CCDC191: variants seen among roughly 807,000 people sequenced by gnomAD.
CCDC191 encodes the protein coiled-coil domain containing 191, also known as coiled-coil domain-containing protein 191.
In CCDC191, 99 loss-of-function variants were observed where a neutral mutation model predicts 114.0. That is an observed-to-expected ratio of 0.87 (90% CI 0.74 to 1.03). The LOEUF is 1.03. Ranked by LOEUF, CCDC191 falls within the 50% of genes least tolerant of loss-of-function variation. CCDC191 has a pLI of 0.00. For missense variants in CCDC191, 973 were observed against 1,087.0 expected (o/e 0.90, Z 1.47); for synonymous variants, 351 against 376.0 (o/e 0.93, Z 0.77).
chr3:113,973,882 T>G (rs62265445), intron 16 of CCDC191, among the ~76,000 whole-genome samples: 18,725 of 151,466 alleles, frequency 0.12, 1,426 homozygotes, highest in African/African-American at 0.21. Context: ...CTACCCCTTG[T>G]TCTCATTCAA....
intron 1 of CCDC191, among the ~76,000 whole-genome samples, chr3:114,056,037 A>G (rs150988363): frequency 0.012 from 1,755 of 152,030 alleles, 17 homozygotes; most frequent in Non-Finnish European, 0.02. Flanking sequence ...AAGAGAGAGA[A>G]AAAGAAAGAA....
Position 114,042,754 on chromosome 3 carries a change from CACTTGACACA to C in CCDC191, c.354_363del (p.Val119SerfsTer11), listed in dbSNP as rs752459882. On this transcript the variant is annotated frameshift_variant, in exon 4 of 17. Transcript: ENST00000295878. LOFTEE classifies it high-confidence loss of function. ...CCATTGGCTTCCGGCATAATAGTGACACTTGACACAGTGTTTTTAGCATCACCTTCTTCCT... is the reference window on the plus strand; with the variant it reads ...CCATTGGCTTCCGGCATAATAGTGACGTGTTTTTAGCATCACCTTCTTCCT... 6.2e-7 allele frequency: 1 copy of C among 1,600,016 alleles called. No homozygotes were observed. The highest frequency in any genetic ancestry group is 1.1e-5 in the South Asian group (1 of 88,116).
chr3:114,023,783 G>A (rs2076278347), intron 7 of CCDC191, among the ~76,000 whole-genome samples: 1 of 152,072 alleles, frequency 6.6e-6, no homozygotes, highest in East Asian at 1.9e-4. Flanking sequence ...TACCATTCAG[G>A]ACATAGGCAT....
At chr3:113,966,670 A>G (rs1940207036) in intron 16 of CCDC191, among the ~76,000 whole-genome samples, 1 of 152,212 alleles carries the variant, frequency 6.6e-6, no homozygotes, top group South Asian at 2.1e-4. Flanking sequence ...TCACAACTAT[A>G]GGCAGAGATG....
chr3:114,052,506 C>T (rs760289734), intron 2 of CCDC191, among the ~76,000 whole-genome samples: 20 of 152,052 alleles, frequency 1.3e-4, no homozygotes, highest in Non-Finnish European at 2.4e-4. Flanking sequence ...CCACTTTAGT[C>T]GTCATCTAAG....
intron 13 of CCDC191, among the ~76,000 whole-genome samples, chr3:113,981,908 A>G (rs1163442238): frequency 2.0e-5 from 3 of 152,248 alleles, no homozygotes; most frequent in African/African-American, 7.2e-5. Flanking sequence ...GTTGAATGAA[A>G]TGGCCAGAGA....
At chr3:114,005,255 A>G (rs1367719856) in intron 10 of CCDC191, among the ~76,000 whole-genome samples, 2 of 152,168 alleles carry the variant, frequency 1.3e-5, no homozygotes, top group Non-Finnish European at 2.9e-5. Flanking sequence ...TTTTCTCTTT[A>G]ACTGGCATAG....
At chr3:113,975,579 C>T (rs996577124) in intron 16 of CCDC191, among the ~76,000 whole-genome samples, 3 of 152,202 alleles carry the variant, frequency 2.0e-5, no homozygotes, top group Non-Finnish European at 2.9e-5. Context: ...GGTGCTTCCA[C>T]TCTGTTTAAC....
intron 3 of CCDC191, 128 bp from the exon 4 acceptor site, chr3:114,042,974 A>G: frequency 1.2e-6 from 1 of 819,904 alleles, no homozygotes; most frequent in Non-Finnish European, 1.8e-6. Context: ...AGATACTGGA[A>G]TACAACAGTG....
intron 13 of CCDC191, among the ~76,000 whole-genome samples, chr3:113,989,765 C>G (rs2075495339): frequency 1.3e-5 from 2 of 152,136 alleles, no homozygotes; most frequent in African/African-American, 4.8e-5. Context: ...GTGGGAGGAT[C>G]TCTTGAGCCC....
At chr3:113,988,710 A>G (rs1347048626) in intron 13 of CCDC191, among the ~76,000 whole-genome samples, 1 of 152,134 alleles carries the variant, frequency 6.6e-6, no homozygotes, top group Non-Finnish European at 1.5e-5. Flanking sequence ...ATAATAGTTA[A>G]AAGAATGAGA....
rs139157890 is a variant in CCDC191 at position 114,002,458 on chromosome 3, A to G, written c.2059T>C (p.Leu687=). 5.9e-5 allele frequency: 95 copies of G among 1,603,792 alleles called. 1 individual carries two copies. In the Middle Eastern group the frequency reaches 6.6e-4, roughly 11 times the overall value. Reference sequence around the variant, plus strand: ...AGTTTGCATTTTGAATCTATTACCAATTTTTCTTCTTCTTGTTTTTTCTTC... The same window carrying G: ...AGTTTGCATTTTGAATCTATTACCAGTTTTTCTTCTTCTTGTTTTTTCTTC... ...EKKKKQEEEK[L]AQLKAQEEER... The change falls in exon 12 of 17, where the codon TTG becomes CTG. Residue 687 remains leucine (L), a splice_region_variant and synonymous_variant. Transcript: ENST00000295878.
intron 16 of CCDC191, among the ~76,000 whole-genome samples, chr3:113,969,627 T>G (rs1940596888): frequency 6.6e-6 from 1 of 152,230 alleles, no homozygotes; most frequent in African/African-American, 2.4e-5. Context: ...TTTTATGTTC[T>G]TGGCACTTTT....
chr3:113,988,835 C>T (rs773547463), intron 13 of CCDC191, among the ~76,000 whole-genome samples: 1 of 151,864 alleles, frequency 6.6e-6, no homozygotes, highest in Non-Finnish European at 1.5e-5. Context: ...GCTCTGTCAC[C>T]GAGGCTGGAG....
chr3:113,990,948 A>G (rs2075537793), intron 13 of CCDC191, among the ~76,000 whole-genome samples: 1 of 149,980 alleles, frequency 6.7e-6, no homozygotes, highest in African/African-American at 2.4e-5. Context: ...AAAAAAAAAA[A>G]AAAAAAAGGC....
chr3:113,972,011 T>C (rs980901209), intron 16 of CCDC191, among the ~76,000 whole-genome samples: 7 of 152,138 alleles, frequency 4.6e-5, no homozygotes, highest in Admixed American at 4.6e-4. Flanking sequence ...ATTTTTGATG[T>C]CTCAGTTGTT....
chr3:114,012,620 C>T (rs954343062), intron 8 of CCDC191, among the ~76,000 whole-genome samples: 2 of 152,156 alleles, frequency 1.3e-5, no homozygotes, highest in African/African-American at 4.8e-5. Context: ...AACCCTGTAA[C>T]ACTTTATTCA....
intron 6 of CCDC191, among the ~76,000 whole-genome samples, chr3:114,032,795 A>G (rs541142535): frequency 7.9e-4 from 121 of 152,348 alleles, no homozygotes; most frequent in African/African-American, 2.7e-3. Flanking sequence ...ATTAATAAGC[A>G]TCTTGAAAGA....
chr3:114,027,970 C>T (rs1345088542), intron 7 of CCDC191, among the ~76,000 whole-genome samples: 8 of 152,180 alleles, frequency 5.3e-5, no homozygotes. Context: ...TGCCTGTGGC[C>T]TTTACTGGAG....
Sources: allele counts gnomAD v4.1 joint callset (sites outside exome capture counted in the v4.1 genomes callset), GRCh38; gene constraint gnomAD v4.1.1; transcripts MANE v1.5; gene names NCBI Gene and HGNC (gene_info 2026-07-23, HGNC 2026-07-21).